MAML3: variants seen among roughly 807,000 people sequenced by gnomAD.
MAML3 encodes the protein mastermind like transcriptional coactivator 3, also known as mastermind-like protein 3.
Under a neutral mutation model 101.9 loss-of-function variants are expected in MAML3, and 27 were observed. The ratio of observed to expected loss-of-function variants is 0.27; its 90% CI spans 0.20 to 0.37. The LOEUF (loss-of-function observed/expected upper bound fraction) is 0.37. Among genes scored for constraint, MAML3 ranks in the 10% least tolerant of loss-of-function variants. The probability of loss-of-function intolerance (pLI) is 1.00; values close to 1 mark genes in which losing one functional copy is unlikely to be tolerated. For synonymous variants in MAML3, 501 were observed against 555.9 expected (o/e 0.90, Z 1.39); for missense variants, 1,316 against 1,444.9 (o/e 0.91, Z 1.45).
At chr4:139,827,661 A>T (rs528582840) in intron 2 of MAML3, among the ~76,000 whole-genome samples, 2 of 152,362 alleles carry the variant, frequency 1.3e-5, no homozygotes, top group South Asian at 4.1e-4. Context: ...GTAATCTAAT[A>T]CTATACTACT....
intron 1 of MAML3, among the ~76,000 whole-genome samples, chr4:139,966,857 C>T (rs1734142404): frequency 6.6e-6 from 1 of 152,160 alleles, no homozygotes; most frequent in Admixed American, 6.5e-5. Context: ...GACTGCGATA[C>T]AGCCCTCCTG....
chr4:140,132,264 A>G (rs999449409), intron 1 of MAML3, among the ~76,000 whole-genome samples: 1 of 152,268 alleles, frequency 6.6e-6, no homozygotes, highest in African/African-American at 2.4e-5. Flanking sequence ...CAAGGAGCTC[A>G]GTAAAAAACT....
At chr4:139,769,495 A>G (rs763906401) in intron 2 of MAML3, among the ~76,000 whole-genome samples, 3 of 152,208 alleles carry the variant, frequency 2.0e-5, no homozygotes, top group Admixed American at 1.3e-4. Context: ...TTTGAGTGGT[A>G]TATCTTACAG....
rs1438910345 is a variant in MAML3 at position 139,938,875 on chromosome 4, C to G, written c.469-47908G>C. Among the ~76,000 whole-genome samples the G allele has an allele frequency of 2.6e-5, 4 of 152,126 alleles. 1 individual carries two copies. The highest frequency in any genetic ancestry group is 4.2e-4 in the South Asian group (2 of 4,818). On this transcript the variant is annotated intron_variant, in intron 1 of 4. Coordinates refer to ENST00000509479, the MANE Select transcript of MAML3 (RefSeq NM_018717.5). The stretch of plus-strand genomic sequence containing the variant: ...CAATCACCTTTGAATATACACAAAC[C>G]CAATTAATGCAACGTGTGGTAATCT...
chr4:139,798,524 T>C (rs946009074), intron 2 of MAML3, among the ~76,000 whole-genome samples: 2 of 152,216 alleles, frequency 1.3e-5, no homozygotes, highest in African/African-American at 2.4e-5. Context: ...GGTAACTGTA[T>C]TGTCAAGTGC....
At chr4:139,769,370 G>A (rs572390376) in intron 2 of MAML3, among the ~76,000 whole-genome samples, 8 of 152,306 alleles carry the variant, frequency 5.3e-5, no homozygotes, top group South Asian at 2.1e-4. Flanking sequence ...AAGACACGCT[G>A]CTTTGATTAG....
At chr4:139,962,100 G>C (rs769672) in intron 1 of MAML3, among the ~76,000 whole-genome samples, 55,373 of 151,790 alleles carry the variant, frequency 0.36, 10,995 homozygotes, top group African/African-American at 0.52. Context: ...TCCAGCCTGG[G>C]CAACAGGGTG....
At chr4:140,106,463 G>A (rs564707843) in intron 1 of MAML3, among the ~76,000 whole-genome samples, 30 of 152,190 alleles carry the variant, frequency 2.0e-4, no homozygotes, top group Non-Finnish European at 3.7e-4. Context: ...ATTTGTGTGT[G>A]GGCATGTGTG....
At chr4:140,046,832 T>C (rs1005295555) in intron 1 of MAML3, among the ~76,000 whole-genome samples, 1 of 152,168 alleles carries the variant, frequency 6.6e-6, no homozygotes, top group Non-Finnish European at 1.5e-5. Flanking sequence ...AAGCTGTGTT[T>C]GCATAGTAAA....
intron 1 of MAML3, among the ~76,000 whole-genome samples, chr4:140,145,241 G>T (rs1440529129): frequency 1.3e-5 from 2 of 152,210 alleles, no homozygotes; most frequent in East Asian, 3.8e-4. Context: ...TAACAGTTGA[G>T]GGGTGGAGGG....
chr4:139,806,706 C>T (rs1042231408), intron 2 of MAML3, among the ~76,000 whole-genome samples: 3 of 152,054 alleles, frequency 2.0e-5, no homozygotes, highest in Non-Finnish European at 4.4e-5. Context: ...CAATAGGTGA[C>T]AGATTAAATT....
intron 2 of MAML3, among the ~76,000 whole-genome samples, chr4:139,799,763 A>G (rs1372489847): frequency 6.6e-6 from 1 of 152,170 alleles, no homozygotes; most frequent in African/African-American, 2.4e-5. Context: ...GAATCAACCA[A>G]TTCCCTCTGA....
At chr4:139,869,146 T>C (rs559757292) in intron 2 of MAML3, among the ~76,000 whole-genome samples, 1 of 152,340 alleles carries the variant, frequency 6.6e-6, no homozygotes, top group South Asian at 2.1e-4. Context: ...ACAAGCCTGA[T>C]TGGTATGTTC....
chr4:140,128,472 C>T (rs1728721598), intron 1 of MAML3, among the ~76,000 whole-genome samples: 1 of 152,140 alleles, frequency 6.6e-6, no homozygotes, highest in South Asian at 2.1e-4. Flanking sequence ...TTAAGGAGCC[C>T]CAAGCTCTGA....
chr4:139,957,520 T>C (rs1275951174), intron 1 of MAML3, among the ~76,000 whole-genome samples: 1 of 152,234 alleles, frequency 6.6e-6, no homozygotes, highest in Non-Finnish European at 1.5e-5. Context: ...ACAACCCATC[T>C]AAATACAGGA....
intron 1 of MAML3, among the ~76,000 whole-genome samples, chr4:139,993,371 A>G (rs1027356794): frequency 6.7e-6 from 1 of 149,204 alleles, no homozygotes; most frequent in Non-Finnish European, 1.5e-5. Flanking sequence ...AAAAAAATAG[A>G]CATACATATA....
At chr4:139,772,917 A>C (rs1000864883) in intron 2 of MAML3, among the ~76,000 whole-genome samples, 3 of 70,280 alleles carry the variant, frequency 4.3e-5, no homozygotes, top group Admixed American at 3.4e-4. Flanking sequence ...ATCTCTACTT[A>C]AAAAAAAAAA....
intron 1 of MAML3, among the ~76,000 whole-genome samples, chr4:140,096,180 A>G (rs1188285799): frequency 1.3e-5 from 2 of 152,230 alleles, no homozygotes; most frequent in Non-Finnish European, 2.9e-5. Context: ...TCTATGGAAC[A>G]TATTTTGTCT....
rs796159478 is a variant in MAML3 at position 139,734,382 on chromosome 4, G to T, written c.2080-3715C>A. Among the ~76,000 whole-genome samples, 368 of 152,248 alleles carry T rather than the reference G, an allele frequency of 2.4e-3. 2 individuals carry two copies. The highest frequency in any genetic ancestry group is 8.4e-3 in the African/African-American group (350 of 41,550). ...TATTTTTAGTTGTAATTACTGGCTTGTTCTCCAATCCACTCCTTGCCCAAC... is the reference window on the plus strand; with the variant it reads ...TATTTTTAGTTGTAATTACTGGCTTTTTCTCCAATCCACTCCTTGCCCAAC... On this transcript the variant is annotated intron_variant, in intron 2 of 4. Coordinates refer to ENST00000509479, the MANE Select transcript of MAML3 (RefSeq NM_018717.5).
Sources: gnomAD v4.1 joint callset for allele counts (sites outside exome capture counted in the v4.1 genomes callset) on GRCh38, gnomAD v4.1.1 for gene constraint, MANE v1.5 for transcripts, NCBI Gene and HGNC (gene_info 2026-07-23, HGNC 2026-07-21) for gene names.